ANKS1B: variants seen among roughly 807,000 people sequenced by gnomAD.
The protein encoded by ANKS1B is ankyrin repeat and sterile alpha motif domain containing 1B.
A neutral mutation model predicts 148.3 loss-of-function variants in ANKS1B; 36 were observed. The ratio of observed to expected loss-of-function variants is 0.24; its 90% CI spans 0.19 to 0.32. The LOEUF is 0.32. Among genes scored for constraint, ANKS1B ranks in the 10% least tolerant of loss-of-function variants. The pLI is 1.00. For synonymous variants in ANKS1B, 542 were observed against 560.8 expected, an observed-to-expected ratio of 0.97 and a Z score of 0.47; for missense variants, 1,157 against 1,542.6, an observed-to-expected ratio of 0.75 and a Z score of 4.19.
At chr12:99,243,500 C>T (rs2089729501) in intron 14 of ANKS1B, among the ~76,000 whole-genome samples, 1 of 152,140 alleles carries the variant, frequency 6.6e-6, no homozygotes, top group Non-Finnish European at 1.5e-5. Flanking sequence ...CTAGAAATAC[C>T]ATTTGACCCA....
chr12:98,776,504 T>A (rs867186518), intron 24 of ANKS1B, among the ~76,000 whole-genome samples: 7 of 152,152 alleles, frequency 4.6e-5, no homozygotes, highest in Non-Finnish European at 8.8e-5. Flanking sequence ...TAGGGAGAGA[T>A]GGTTTTGCCT....
intron 14 of ANKS1B, among the ~76,000 whole-genome samples, chr12:99,164,944 A>G (rs2077053807): frequency 6.6e-6 from 1 of 152,064 alleles, no homozygotes; most frequent in Non-Finnish European, 1.5e-5. Context: ...ATATCCTTAT[A>G]ACCATCTTAA....
At chr12:99,586,292 A>T (rs2097638840) in intron 9 of ANKS1B, among the ~76,000 whole-genome samples, 1 of 152,134 alleles carries the variant, frequency 6.6e-6, no homozygotes, top group South Asian at 2.1e-4. Flanking sequence ...CAGGGGCAAA[A>T]TGCCACCAGT....
chr12:98,757,247 C>T (rs1415832836), intron 25 of ANKS1B, among the ~76,000 whole-genome samples: 1 of 152,196 alleles, frequency 6.6e-6, no homozygotes, highest in Non-Finnish European at 1.5e-5. Flanking sequence ...AAGACCCAGA[C>T]AGATGGCTCC....
intron 12 of ANKS1B, among the ~76,000 whole-genome samples, chr12:99,372,735 T>C (rs1291026940): frequency 1.3e-5 from 2 of 152,260 alleles, no homozygotes; most frequent in Admixed American, 6.5e-5. Context: ...GCATAAAATG[T>C]TACTGCAAAA....
At position 99,034,512 on chromosome 12, in the gene ANKS1B, C is replaced by T. The variant is rs370327899; in HGVS notation, c.2778+18645G>A. On this transcript the variant is annotated intron_variant, in intron 17 of 26. Coordinates refer to ENST00000683438, the MANE Select transcript of ANKS1B (RefSeq NM_001352186.2). ...TGCATTTTTTGTAGAGACGGGGTTT[C>T]GCCATGTTGCCCAGGCTGGTCTCAA... Among the ~76,000 whole-genome samples, 62 of 152,188 alleles carry T rather than the reference C, an allele frequency of 4.1e-4. 1 individual carries two copies. In the South Asian group the frequency reaches 5.4e-3, roughly 13 times the overall value.
At chr12:98,995,998 G>A (rs1177146258) in intron 17 of ANKS1B, among the ~76,000 whole-genome samples, 1 of 152,130 alleles carries the variant, frequency 6.6e-6, no homozygotes, top group Non-Finnish European at 1.5e-5. Context: ...AGCCATGGCT[G>A]GGGAAAGAAC....
chr12:99,188,534 A>C (rs1179111008), intron 14 of ANKS1B, among the ~76,000 whole-genome samples: 1 of 152,254 alleles, frequency 6.6e-6, no homozygotes, highest in East Asian at 1.9e-4. Flanking sequence ...ACTCAGGATT[A>C]AGAAACTCAC....
chr12:99,781,092 G>A (rs918452416), intron 5 of ANKS1B, among the ~76,000 whole-genome samples: 2 of 148,384 alleles, frequency 1.3e-5, no homozygotes, highest in Non-Finnish European at 3.0e-5. Flanking sequence ...CAGTTTACAG[G>A]ATCTGGTCCC....
rs2094562394 is a variant in ANKS1B at position 99,407,600 on chromosome 12, GA to G, written c.1576-7790del. Among the ~76,000 whole-genome samples, 4 of 145,654 alleles carry G rather than the reference GA, an allele frequency of 2.7e-5. 1 individual carries two copies. The highest frequency in any genetic ancestry group is 2.7e-4 in the Admixed American group (4 of 14,706). ...AGCCTTTCAAAATCTTACATATTTTGAAAAACCTAAAGATTCTACCAAAAAA... is the reference window on the plus strand; with the variant it reads ...AGCCTTTCAAAATCTTACATATTTTGAAAACCTAAAGATTCTACCAAAAAA... On this transcript the variant is annotated intron_variant, in intron 11 of 26. Transcript: ENST00000683438.
At chr12:98,748,187 A>G (rs935958128) in intron 26 of ANKS1B, among the ~76,000 whole-genome samples, 1 of 152,192 alleles carries the variant, frequency 6.6e-6, no homozygotes, top group African/African-American at 2.4e-5. Context: ...ACATGTGTCA[A>G]AATATCACAT....
chr12:99,763,412 T>C (rs915923333), intron 8 of ANKS1B, among the ~76,000 whole-genome samples: 1 of 152,202 alleles, frequency 6.6e-6, no homozygotes, highest in Non-Finnish European at 1.5e-5. Flanking sequence ...ATACCACTTG[T>C]TCTTACTCGT....
chr12:99,510,101 A>G (rs1308109540), intron 9 of ANKS1B, among the ~76,000 whole-genome samples: 2 of 152,022 alleles, frequency 1.3e-5, no homozygotes, highest in Non-Finnish European at 2.9e-5. Context: ...ACAAGAAAAG[A>G]TTCCTTTCAA....
At chr12:99,218,346 T>C (rs117350010) in intron 14 of ANKS1B, among the ~76,000 whole-genome samples, 4,501 of 152,308 alleles carry the variant, frequency 0.03, 90 homozygotes, top group Middle Eastern at 0.095. Context: ...TCTTTCACAG[T>C]GTTTTATGGA....
intron 10 of ANKS1B, among the ~76,000 whole-genome samples, chr12:99,497,575 TG>T (rs2096616365): frequency 6.6e-6 from 1 of 152,290 alleles, no homozygotes; most frequent in Admixed American, 6.5e-5. Context: ...CTTCCCTCTA[TG>T]GGTGCCTGTC....
rs568597200 is a variant in ANKS1B at position 99,617,885 on chromosome 12, C to A, written c.1272+37182G>T. ...CTTAATACAATCAGGTAGGCATATA[C>A]TGAGTGATTTTTAATGTAAATTAAA... is the stretch of plus-strand genomic sequence containing the variant. On this transcript the variant is annotated intron_variant, in intron 9 of 26. Transcript: ENST00000683438. Among the ~76,000 whole-genome samples the A allele has an allele frequency of 6.6e-5, 10 of 152,114 alleles. 1 individual carries two copies. Among genetic ancestry groups the A allele is most frequent in the African/African-American group, 2.4e-4 (10 of 41,480 alleles).
chr12:99,221,839 T>G (rs6538904), intron 14 of ANKS1B, among the ~76,000 whole-genome samples: 10,287 of 152,240 alleles, frequency 0.068, 736 homozygotes, highest in African/African-American at 0.18. Context: ...ATCACACATA[T>G]GCCTTCATAT....
intron 10 of ANKS1B, among the ~76,000 whole-genome samples, chr12:99,468,013 G>A (rs1261613158): frequency 6.6e-6 from 1 of 152,152 alleles, no homozygotes; most frequent in Non-Finnish European, 1.5e-5. Context: ...AAAGCTGGAG[G>A]CATCACGGTA....
chr12:99,674,602 G>C (rs545967046), intron 8 of ANKS1B, among the ~76,000 whole-genome samples: 88 of 151,710 alleles, frequency 5.8e-4, no homozygotes, highest in Non-Finnish European at 1.1e-3. Flanking sequence ...AAGCACCAAA[G>C]TTTATAAAAA....
Sources: gnomAD v4.1 joint callset for allele counts (sites outside exome capture counted in the v4.1 genomes callset) on GRCh38, gnomAD v4.1.1 for gene constraint, MANE v1.5 for transcripts, NCBI Gene and HGNC (gene_info 2026-07-23, HGNC 2026-07-21) for gene names.